Variants in RAD51B observed in about 807,000 individuals in gnomAD.
RAD51B encodes the protein RAD51 paralog B, also known as DNA repair protein RAD51 homolog 2.
RAD51B carries 38 observed loss-of-function variants against 42.2 expected under a neutral mutation model. The observed-to-expected ratio is 0.90, with a 90% confidence interval of 0.70 to 1.18. The LOEUF is 1.18. RAD51B is among the 50% of genes most tolerant of loss of function. The pLI is 0.00. For missense variants in RAD51B, 373 were observed against 400.7 expected, an observed-to-expected ratio of 0.93 and a Z score of 0.59; for synonymous variants, 154 against 145.2, an observed-to-expected ratio of 1.06 and a Z score of -0.43.
intron 10 of RAD51B, among the ~76,000 whole-genome samples, chr14:68,494,279 CAA>C (rs3074525): frequency 0.31 from 38,643 of 122,776 alleles, 5,540 homozygotes; most frequent in Non-Finnish European, 0.4. Context: ...GATTCCGTCT[CAA>C]AAAAAAAAAA....
intron 10 of RAD51B, among the ~76,000 whole-genome samples, chr14:68,630,906 T>A (rs1892213349): frequency 6.6e-6 from 1 of 152,178 alleles, no homozygotes; most frequent in Non-Finnish European, 1.5e-5. Context: ...TTCAGCAGTG[T>A]TTGTGCAAGT....
At chr14:68,445,403 C>T in intron 9 of RAD51B, among the ~76,000 whole-genome samples, 1 of 152,160 alleles carries the variant, frequency 6.6e-6, no homozygotes, top group East Asian at 1.9e-4. Context: ...TAATAGCTAG[C>T]ATTCATCAAG....
At chr14:68,448,241 C>G (rs1408501170) in intron 9 of RAD51B, among the ~76,000 whole-genome samples, 5 of 152,224 alleles carry the variant, frequency 3.3e-5, no homozygotes, top group African/African-American at 1.2e-4. Flanking sequence ...ACAGAGAAAA[C>G]TCACTTTAAG....
intron 7 of RAD51B, among the ~76,000 whole-genome samples, chr14:68,205,181 G>T (rs1040538276): frequency 2.2e-4 from 33 of 152,270 alleles, no homozygotes; most frequent in African/African-American, 7.7e-4. Context: ...TAAGAAGTTA[G>T]ACACTTATTT....
At chr14:67,962,068 C>T (rs1170803385) in intron 7 of RAD51B, among the ~76,000 whole-genome samples, 1 of 152,144 alleles carries the variant, frequency 6.6e-6, no homozygotes, top group Non-Finnish European at 1.5e-5. Context: ...AAGAACACCT[C>T]TATTGCAAAA....
intron 8 of RAD51B, among the ~76,000 whole-genome samples, chr14:68,349,800 C>T (rs1043077859): frequency 1.3e-5 from 2 of 152,118 alleles, no homozygotes; most frequent in African/African-American, 2.4e-5. Flanking sequence ...GATGAGGGAG[C>T]CTTGTGTTTT....
At chr14:68,138,100 C>G (rs1253860535) in intron 7 of RAD51B, among the ~76,000 whole-genome samples, 1 of 152,092 alleles carries the variant, frequency 6.6e-6, no homozygotes, top group South Asian at 2.1e-4. Context: ...GAAGCCAGGA[C>G]AAGCTTGAAA....
At chr14:68,426,194 G>A (rs927776532) in intron 9 of RAD51B, among the ~76,000 whole-genome samples, 65 of 150,292 alleles carry the variant, frequency 4.3e-4, no homozygotes, top group African/African-American at 1.5e-3. Context: ...TCAGCCTCCC[G>A]AGTAGCTGGG....
At chr14:68,100,563 G>A (rs975885741) in intron 7 of RAD51B, among the ~76,000 whole-genome samples, 6 of 152,120 alleles carry the variant, frequency 3.9e-5, no homozygotes, top group African/African-American at 1.4e-4. Flanking sequence ...TTGAGGTCAG[G>A]TAGTACTTGA....
chr14:67,835,412 T>G (rs1229647151), intron 4 of RAD51B, among the ~76,000 whole-genome samples: 1 of 152,172 alleles, frequency 6.6e-6, no homozygotes, highest in East Asian at 1.9e-4. Context: ...TAAAATCTAC[T>G]TAGGTTGCTG....
At chr14:68,060,908 G>T (rs2076556534) in intron 7 of RAD51B, among the ~76,000 whole-genome samples, 2 of 151,864 alleles carry the variant, frequency 1.3e-5, no homozygotes, top group Admixed American at 6.6e-5. Flanking sequence ...TTTATTTCTG[G>T]GTTCTCTATT....
At chr14:68,519,528 A>G (rs1043025334) in intron 10 of RAD51B, among the ~76,000 whole-genome samples, 1 of 152,220 alleles carries the variant, frequency 6.6e-6, no homozygotes, top group Non-Finnish European at 1.5e-5. Flanking sequence ...CTCGAGATAG[A>G]AACTTCATGA....
At chr14:67,966,350 T>C (rs555823632) in intron 7 of RAD51B, among the ~76,000 whole-genome samples, 2 of 152,312 alleles carry the variant, frequency 1.3e-5, no homozygotes, top group African/African-American at 4.8e-5. Flanking sequence ...GCAGAGGCCT[T>C]TTTCATGCTC....
chr14:68,509,162 T>C (rs1265843300), intron 10 of RAD51B, among the ~76,000 whole-genome samples: 3 of 152,324 alleles, frequency 2.0e-5, no homozygotes, highest in African/African-American at 7.2e-5. Flanking sequence ...GTGAGTGTAG[T>C]CTGGCCTGTC....
intron 7 of RAD51B, among the ~76,000 whole-genome samples, chr14:68,176,942 T>C (rs993409004): frequency 2.0e-5 from 3 of 152,192 alleles, no homozygotes; most frequent in African/African-American, 7.2e-5. Context: ...TTCTGTTTTT[T>C]ACTAGAGATC....
At chr14:67,875,368 G>A (rs532914899) in intron 5 of RAD51B, among the ~76,000 whole-genome samples, 2 of 152,264 alleles carry the variant, frequency 1.3e-5, no homozygotes, top group African/African-American at 2.4e-5. Flanking sequence ...ACCTCTCAGG[G>A]TGCCAAGTTC....
chr14:67,960,505 ATT>A (rs2074641755), intron 7 of RAD51B, among the ~76,000 whole-genome samples: 1 of 152,170 alleles, frequency 6.6e-6, no homozygotes, highest in Non-Finnish European at 1.5e-5. Context: ...CTGTCCCAAG[ATT>A]TTAGGAATTT....
intron 10 of RAD51B, among the ~76,000 whole-genome samples, chr14:68,552,177 G>T (rs148799997): frequency 6.6e-6 from 1 of 152,164 alleles, no homozygotes; most frequent in African/African-American, 2.4e-5. Context: ...GCTCGAAACC[G>T]CTGTCCCCAC....
At chr14:68,520,987 G>T (rs1213478797) in intron 10 of RAD51B, among the ~76,000 whole-genome samples, 1 of 152,168 alleles carries the variant, frequency 6.6e-6, no homozygotes, top group Non-Finnish European at 1.5e-5. Context: ...GCAGGGGGTA[G>T]GGGTAAGGGC....
Sources: allele counts gnomAD v4.1 joint callset (sites outside exome capture counted in the v4.1 genomes callset), GRCh38; gene constraint gnomAD v4.1.1; transcripts MANE v1.5; gene names NCBI Gene and HGNC (gene_info 2026-07-23, HGNC 2026-07-21).